The following IQGAP2 variants were observed in gnomAD, a reference collection of about 807,000 sequenced individuals.
IQGAP2 encodes ras GTPase-activating-like protein IQGAP2.
Under a neutral mutation model 201.3 loss-of-function variants are expected in IQGAP2, and 173 were observed. The ratio of observed to expected loss-of-function variants is 0.86; its 90% confidence interval spans 0.76 to 0.98. IQGAP2 has a LOEUF of 0.98. IQGAP2 is among the 50% of genes least tolerant of loss of function. The pLI is 0.00. For synonymous variants in IQGAP2, 675 were observed against 673.9 expected, an observed-to-expected ratio of 1.00 and a Z score of -0.03; for missense variants, 1,687 against 1,864.8, an observed-to-expected ratio of 0.90 and a Z score of 1.76.
chr5:76,609,103 G>C, intron 12 of IQGAP2: 1 of 1,535,602 alleles, frequency 6.5e-7, no homozygotes. Context: ...TCAGCAGCTT[G>C]TATTCTTAGA....
At chr5:76,698,986 A>C (rs192361458) in intron 33 of IQGAP2, among the ~76,000 whole-genome samples, 2 of 152,344 alleles carry the variant, frequency 1.3e-5, no homozygotes, top group East Asian at 3.9e-4. Context: ...TGTGATAAGA[A>C]CACTTGAAAT....
At chr5:76,619,747 T>C (rs1021518151) in intron 13 of IQGAP2, among the ~76,000 whole-genome samples, 2 of 152,106 alleles carry the variant, frequency 1.3e-5, no homozygotes, top group African/African-American at 2.4e-5. Flanking sequence ...CTCGATCTCC[T>C]GACCTCGTGA....
intron 2 of IQGAP2, among the ~76,000 whole-genome samples, chr5:76,485,143 C>T (rs903196106): frequency 1.3e-5 from 2 of 152,090 alleles, no homozygotes; most frequent in African/African-American, 4.8e-5. Flanking sequence ...ATTTTCATAC[C>T]TGCTTTCCCT....
intron 2 of IQGAP2, among the ~76,000 whole-genome samples, chr5:76,554,446 A>G (rs939983273): frequency 6.6e-6 from 1 of 152,198 alleles, no homozygotes; most frequent in Non-Finnish European, 1.5e-5. Context: ...CTGAATATGT[A>G]AGGAACTCTT....
At chr5:76,429,076 C>A (rs376289326) in intron 1 of IQGAP2, among the ~76,000 whole-genome samples, 258 of 138,320 alleles carry the variant, frequency 1.9e-3, no homozygotes, top group South Asian at 2.4e-3. Flanking sequence ...GACTCTGTCT[C>A]AAAAAAAAAA....
chr5:76,456,299 C>T (rs1225849079), intron 1 of IQGAP2, among the ~76,000 whole-genome samples: 1 of 152,078 alleles, frequency 6.6e-6, no homozygotes, highest in Non-Finnish European at 1.5e-5. Context: ...CCTGTGAATA[C>T]GTATTGGTTT....
chr5:76,581,179 G>A (rs1364606216), intron 5 of IQGAP2, among the ~76,000 whole-genome samples: 1 of 152,204 alleles, frequency 6.6e-6, no homozygotes, highest in Non-Finnish European at 1.5e-5. Context: ...CCAGGTGGCT[G>A]TCTTGCTTAC....
rs116662366 is a variant in IQGAP2 at position 76,662,154 on chromosome 5, A to G, written c.2530-2872A>G. On this transcript the variant is annotated intron_variant, in intron 21 of 35. Transcript: ENST00000274364. The stretch of plus-strand genomic sequence containing the variant: ...ACACAAGCACATTCTGGAGCAAGTC[A>G]GAACCTCACAGGGAGAAGGAAGAGG... 3.1e-3 allele frequency among the ~76,000 whole-genome samples: 473 copies of G among 152,336 alleles called. 2 individuals are homozygous for G. Among genetic ancestry groups the G allele is most frequent in the African/African-American group, 0.011 (448 of 41,578 alleles).
intron 1 of IQGAP2, among the ~76,000 whole-genome samples, chr5:76,416,522 T>A (rs1561355154): frequency 1.3e-5 from 2 of 150,780 alleles, no homozygotes; most frequent in Admixed American, 6.6e-5. Flanking sequence ...TGGGTATAAG[T>A]TCTTTGAGCT....
Position 76,683,872 on chromosome 5 carries a change from A to T in IQGAP2, c.3860A>T (p.Asp1287Val), listed in dbSNP as rs1243999818. ...TCTCTTGTCTTGACAAGCAAATATG[A>T]CATAGAGGACGGTGAAGCTATAGAT... ...EISLVLTSKY[D>V]IEDGEAIDSR... Residue 1287 changes from aspartate (D) to valine (V), a missense_variant, in exon 30 of 36, where the codon GAC (aspartate) becomes GTC (valine). By Grantham distance (152) the Asp-to-Val change is radical. Transcript: ENST00000274364. 1.2e-6 allele frequency: 2 copies of T among 1,613,306 alleles called. No homozygotes were observed. The highest frequency in any genetic ancestry group is 2.2e-5 in the East Asian group (1 of 44,850).
intron 17 of IQGAP2, among the ~76,000 whole-genome samples, chr5:76,642,786 G>A (rs752499369): frequency 2.0e-5 from 3 of 152,156 alleles, no homozygotes; most frequent in Non-Finnish European, 2.9e-5. Context: ...CTCCTAGGCC[G>A]AGGCCAGCTA....
intron 2 of IQGAP2, among the ~76,000 whole-genome samples, chr5:76,504,991 C>G (rs1429408313): frequency 6.6e-6 from 1 of 152,156 alleles, no homozygotes; most frequent in Non-Finnish European, 1.5e-5. Flanking sequence ...ACCCCACCTC[C>G]CCACTGCCCA....
Position 76,701,525 on chromosome 5 carries a change from A to G in IQGAP2, c.4505+312A>G, listed in dbSNP as rs145487036. On this transcript the variant is annotated intron_variant, in intron 34 of 35. Coordinates refer to ENST00000274364, the MANE Select transcript of IQGAP2 (RefSeq NM_006633.5). Reference sequence around the variant, plus strand: ...GGTCTTGATGGATGAATTATCTACCATTGCAAAATAGCACCTTTCTCATTT... The same window carrying G: ...GGTCTTGATGGATGAATTATCTACCGTTGCAAAATAGCACCTTTCTCATTT... Among the ~76,000 whole-genome samples, 8 of 152,326 alleles carry G rather than the reference A, an allele frequency of 5.3e-5. No homozygotes were observed. In the South Asian group the frequency reaches 1.2e-3, roughly 24 times the overall value.
At position 76,701,180 on chromosome 5, in the gene IQGAP2, T is replaced by C; in HGVS notation, c.4472T>C (p.Val1491Ala). The change falls in exon 34 of 36, where the codon GTC becomes GCC. Residue 1491 changes from valine to alanine, a missense_variant. Transcript: ENST00000274364. ...GCAGCAAAGCTGCATGAGAAAGGTG[T>C]CCTGCTAGATATAGATGATCTTCAA... Reference protein sequence around the residue: ...YTAAKLHEKGVLLDIDDLQTN... With the variant: ...YTAAKLHEKGALLDIDDLQTN... The C allele has an allele frequency of 9.3e-6, 15 of 1,614,232 alleles. No homozygotes were observed. The highest frequency in any genetic ancestry group is 1.3e-5 in the Non-Finnish European group (15 of 1,180,016).
chr5:76,464,798 G>A (rs116341068), intron 2 of IQGAP2, among the ~76,000 whole-genome samples: 2,165 of 152,122 alleles, frequency 0.014, 51 homozygotes, highest in African/African-American at 0.05. Flanking sequence ...ACAATTACAT[G>A]CCAATGAAAA....
At position 76,606,181 on chromosome 5, in the gene IQGAP2, A is replaced by G. The variant is rs1747790816; in HGVS notation, c.1235A>G (p.Tyr412Cys). Residue 412 changes from tyrosine to cysteine, a missense_variant and splice_region_variant, in exon 12 of 36, where the codon TAT (tyrosine) becomes TGT (cysteine). Transcript: ENST00000274364. Reference sequence around the variant, plus strand: ...CAAGATTATTTTCTCTTCCACAGTTATGCAAACACACTACTCTCTGTTAAA... The same window carrying G: ...CAAGATTATTTTCTCTTCCACAGTTGTGCAAACACACTACTCTCTGTTAAA... ...NNLDKAYVER[Y>C]ANTLLSVKLE... The G allele has an allele frequency of 1.9e-6, 3 of 1,592,726 alleles. No individual in the cohort carries two copies. The highest frequency in any genetic ancestry group is 1.4e-5 in the African/African-American group (1 of 74,050).
At chr5:76,575,343 C>A (rs1182563991) in intron 4 of IQGAP2, among the ~76,000 whole-genome samples, 4 of 152,158 alleles carry the variant, frequency 2.6e-5, no homozygotes, top group Admixed American at 2.6e-4. Flanking sequence ...CCCATGGGAC[C>A]TCTGGGAAGT....
chr5:76,500,476 G>A (rs1757213477), intron 2 of IQGAP2, among the ~76,000 whole-genome samples: 1 of 152,116 alleles, frequency 6.6e-6, no homozygotes, highest in Admixed American at 6.6e-5. Context: ...AGACATTTTG[G>A]TGTCTTTGCT....
At chr5:76,604,900 G>A (rs1431139010) in intron 11 of IQGAP2, among the ~76,000 whole-genome samples, 3 of 152,130 alleles carry the variant, frequency 2.0e-5, no homozygotes, top group African/African-American at 7.2e-5. Context: ...TCACCTTGAA[G>A]CATGCAGAAT....
Sources: allele counts gnomAD v4.1 joint callset (sites outside exome capture counted in the v4.1 genomes callset), GRCh38; gene constraint gnomAD v4.1.1; transcripts MANE v1.5; gene names NCBI Gene and HGNC (gene_info 2026-07-23, HGNC 2026-07-21).